The following PPP4R3B variants were observed in gnomAD, a reference collection of about 807,000 sequenced individuals.
The protein encoded by PPP4R3B is serine/threonine-protein phosphatase 4 regulatory subunit 3B.
PPP4R3B carries 52 observed loss-of-function variants against 95.4 expected under a neutral mutation model. The ratio of observed to expected loss-of-function variants is 0.54; its 90% CI spans 0.44 to 0.69. The LOEUF (loss-of-function observed/expected upper bound fraction) is 0.69. Ranked by LOEUF, PPP4R3B falls within the 30% of genes least tolerant of loss-of-function variation. The pLI is 0.00. For synonymous variants in PPP4R3B, 407 were observed against 343.9 expected (o/e 1.18, Z -2.03); for missense variants, 1,003 against 1,005.9 (o/e 1.00, Z 0.04).
chr2:55,548,866 T>G lies in PPP4R3B; in HGVS notation c.*1045A>C, dbSNP rs765084582. 2.6e-4 allele frequency: 40 copies of G among 152,808 alleles called. No homozygotes were observed. Among genetic ancestry groups the G allele is most frequent in the Non-Finnish European group, 5.0e-4 (34 of 68,038 alleles). 9.5% of individuals were successfully genotyped at this position (152,808 alleles called of 1,614,324 possible). A position where few individuals can be genotyped will look rare whatever the true frequency, so the allele number is the denominator to read the frequency against. ...TTAAAATTCACTTACGTATATGGAA[T>G]GTGCTTTTACTCTTCTTAAAAAAGC... On this transcript the variant is annotated 3_prime_UTR_variant, in exon 17 of 17. Transcript: ENST00000616407.
chr2:55,606,211 G>T (rs1164148747), intron 2 of PPP4R3B, among the ~76,000 whole-genome samples: 1 of 151,896 alleles, frequency 6.6e-6, no homozygotes, highest in East Asian at 1.9e-4. Context: ...AAATATATTA[G>T]TATATTAATA....
Position 55,548,849 on chromosome 2 carries a change from CACTT to C in PPP4R3B, c.*1058_*1061del, listed in dbSNP as rs1684960462. 6.6e-6 allele frequency: 1 copy of C among 152,574 alleles called. No individual in the cohort carries two copies. Among genetic ancestry groups the C allele is most frequent in the Non-Finnish European group, 1.5e-5 (1 of 68,026 alleles). The allele number at this position is 152,574 out of a possible 1,614,324, so 9.5% of individuals were successfully genotyped here. ...TTTGCCTCAATTTATTTTTAAAATT[CACTT>C]ACGTATATGGAATGTGCTTTTACTC... On this transcript the variant is annotated 3_prime_UTR_variant, in exon 17 of 17. Transcript: ENST00000616407.
In PPP4R3B at chr2:55,568,190, T is replaced by G; in HGVS notation, c.1935+4A>C. On this transcript the variant is annotated splice_donor_region_variant and intron_variant, in intron 13 of 16. Transcript: ENST00000616407. ...ATAATAACAGCTGTTTTATATAAAC[T>G]TACCACTCTTATAAATTCAAACAAC... The G allele has an allele frequency of 6.5e-7, 1 of 1,530,216 alleles. No homozygotes were observed. The highest frequency in any genetic ancestry group is 8.8e-7 in the Non-Finnish European group (1 of 1,140,886). 94.8% of individuals were successfully genotyped at this position (1,530,216 alleles called of 1,614,324 possible).
intron 2 of PPP4R3B, among the ~76,000 whole-genome samples, chr2:55,606,806 A>T (rs1046757195): frequency 1.3e-5 from 2 of 148,156 alleles, no homozygotes; most frequent in Admixed American, 1.4e-4. Context: ...TGGGGGACAA[A>T]AGTGAGACTT....
At chr2:55,562,499 G>C (rs575189219) in intron 15 of PPP4R3B, among the ~76,000 whole-genome samples, 4 of 152,264 alleles carry the variant, frequency 2.6e-5, no homozygotes, top group African/African-American at 9.6e-5. Context: ...CCATGGTTAA[G>C]ATATGCTTGC....
At chr2:55,597,742 G>A (rs1332942310) in intron 4 of PPP4R3B, among the ~76,000 whole-genome samples, 2 of 152,152 alleles carry the variant, frequency 1.3e-5, no homozygotes, top group African/African-American at 2.4e-5. Flanking sequence ...CAGAGGTTGC[G>A]GCGAGCTGAG....
intron 4 of PPP4R3B, 97 bp from the exon 5 acceptor site, chr2:55,589,053 T>C (rs754689718): frequency 2.6e-6 from 2 of 757,282 alleles, no homozygotes; most frequent in Non-Finnish European, 2.1e-6. Flanking sequence ...AGTTGACAAG[T>C]AGTATTTTCA....
chr2:55,578,838 C>T (rs1347237092), intron 9 of PPP4R3B, among the ~76,000 whole-genome samples: 1 of 152,018 alleles, frequency 6.6e-6, no homozygotes, highest in Non-Finnish European at 1.5e-5. Flanking sequence ...CAGATAGTGG[C>T]TAATGTTCTA....
intron 2 of PPP4R3B, among the ~76,000 whole-genome samples, chr2:55,606,154 T>C (rs1444660469): frequency 6.6e-6 from 1 of 152,092 alleles, no homozygotes; most frequent in Non-Finnish European, 1.5e-5. Context: ...CAAACAGTGA[T>C]CTCCAAAACA....
chr2:55,575,104 A>AT (rs1204750885), intron 11 of PPP4R3B, among the ~76,000 whole-genome samples: 2 of 142,774 alleles, frequency 1.4e-5, no homozygotes, highest in Admixed American at 7.1e-5. Flanking sequence ...CGCCCGGCTA[A>AT]TTTTTTTTTG....
intron 2 of PPP4R3B, among the ~76,000 whole-genome samples, chr2:55,611,781 T>TGC (rs1245217393): frequency 1.3e-5 from 2 of 152,040 alleles, no homozygotes; most frequent in Admixed American, 6.6e-5. Flanking sequence ...CCACCTGGAG[T>TGC]GCAGTGGTAC....
chr2:55,606,399 C>T (rs1693395695), intron 2 of PPP4R3B, among the ~76,000 whole-genome samples: 1 of 152,044 alleles, frequency 6.6e-6, no homozygotes, highest in South Asian at 2.1e-4. Context: ...TAAAATTATC[C>T]TTTGGTAGAA....
chr2:55,561,438 TGAG>T, intron 15 of PPP4R3B, among the ~76,000 whole-genome samples: 1 of 152,258 alleles, frequency 6.6e-6, no homozygotes, highest in African/African-American at 2.4e-5. Context: ...AGTGGAGCCA[TGAG>T]AAGAGGGCCA....
At chr2:55,617,065 A>C in intron 1 of PPP4R3B, 79 bp downstream of exon 1, 1 of 1,480,680 alleles carries the variant, frequency 6.8e-7, no homozygotes, top group Non-Finnish European at 9.1e-7. Context: ...TAGCAACGGT[A>C]ACGGGCCCAG....
chr2:55,551,091 C>G lies in PPP4R3B; in HGVS notation c.2455-1085G>C, dbSNP rs186458096. On this transcript the variant is annotated intron_variant, in intron 16 of 16. Coordinates refer to ENST00000616407, the MANE Select transcript of PPP4R3B (RefSeq NM_001122964.3). The stretch of plus-strand genomic sequence containing the variant: ...ACAAAACTTTGGGGCTGGGCTTATG[C>G]CTGTAATCCCAGCACTTTGGGAGAT... Among the ~76,000 whole-genome samples, 34 of 152,242 alleles carry G rather than the reference C, an allele frequency of 2.2e-4. 1 individual carries two copies. The highest frequency in any genetic ancestry group is 6.5e-4 in the African/African-American group (27 of 41,574).
chr2:55,604,713 A>G (rs767963119), intron 2 of PPP4R3B, among the ~76,000 whole-genome samples: 1 of 152,110 alleles, frequency 6.6e-6, no homozygotes, highest in Non-Finnish European at 1.5e-5. Context: ...TTATATGCCT[A>G]CCAAAGGGTT....
intron 2 of PPP4R3B, chr2:55,615,250 G>T (rs182705335): frequency 1.9e-6 from 1 of 527,024 alleles, no homozygotes; most frequent in South Asian, 2.3e-5. Context: ...ACCGACAGTG[G>T]CTCAATCCAA....
At chr2:55,572,820 T>TGGA (rs549504971) in intron 12 of PPP4R3B, among the ~76,000 whole-genome samples, 91 of 152,246 alleles carry the variant, frequency 6.0e-4, no homozygotes, top group African/African-American at 2.1e-3. Context: ...ATTTATCCAC[T>TGGA]GGAGAATGGC....
intron 11 of PPP4R3B, 68 bp from the exon 12 acceptor site, chr2:55,573,845 A>T: frequency 1.8e-6 from 2 of 1,088,380 alleles, no homozygotes; most frequent in Non-Finnish European, 2.5e-6. Context: ...AATAAAGCTT[A>T]CATCCTATAT....
Sources: allele counts gnomAD v4.1 joint callset (sites outside exome capture counted in the v4.1 genomes callset), GRCh38; gene constraint gnomAD v4.1.1; transcripts MANE v1.5; gene names NCBI Gene and HGNC (gene_info 2026-07-23, HGNC 2026-07-21).